Variants in SCN9A observed in about 807,000 individuals in gnomAD.
The protein encoded by SCN9A is sodium voltage-gated channel alpha subunit 9, also known as sodium channel protein type 9 subunit alpha.
Under a neutral mutation model 187.0 loss-of-function variants are expected in SCN9A, and 131 were observed. The ratio of observed to expected loss-of-function variants is 0.70; its 90% confidence interval spans 0.61 to 0.81. The LOEUF is 0.81. SCN9A is among the 30% of genes least tolerant of loss of function. SCN9A has a pLI of 0.00. For missense variants in SCN9A, 2,252 were observed against 2,396.6 expected (o/e 0.94, Z 1.26); for synonymous variants, 809 against 808.6 (o/e 1.00, Z -0.01).
chr2:166,243,233 C>G (rs568020295), intron 18 of SCN9A, among the ~76,000 whole-genome samples: 190 of 152,138 alleles, frequency 1.2e-3, no homozygotes, highest in African/African-American at 4.4e-3. Context: ...ACAAAATATA[C>G]TGCTACAAAA....
intron 17 of SCN9A, among the ~76,000 whole-genome samples, chr2:166,255,270 A>T (rs1201284550): frequency 6.6e-6 from 1 of 151,548 alleles, no homozygotes; most frequent in Non-Finnish European, 1.5e-5. Context: ...AATATGTCCA[A>T]ATTAAAAGCT....
At chr2:166,242,049 T>C (rs1695587452) in intron 19 of SCN9A, among the ~76,000 whole-genome samples, 2 of 152,160 alleles carry the variant, frequency 1.3e-5, no homozygotes, top group South Asian at 4.1e-4. Flanking sequence ...CTAGGACTAA[T>C]TGTGCCAACG....
chr2:166,314,534 C>T (rs1020336903), intron 1 of SCN9A, among the ~76,000 whole-genome samples: 10 of 152,128 alleles, frequency 6.6e-5, no homozygotes, highest in African/African-American at 2.4e-4. Context: ...ATTATTCATA[C>T]TAGCCAAAAA....
intron 13 of SCN9A, among the ~76,000 whole-genome samples, chr2:166,281,160 G>A (rs78385474): frequency 6.6e-6 from 1 of 152,114 alleles, no homozygotes; most frequent in Admixed American, 6.6e-5. Flanking sequence ...ATGGGAATGT[G>A]GGGGGTGAAG....
At chr2:166,368,372 A>G (rs996885375) in intron 1 of SCN9A, among the ~76,000 whole-genome samples, 2 of 152,162 alleles carry the variant, frequency 1.3e-5, no homozygotes, top group Non-Finnish European at 2.9e-5. Flanking sequence ...AGTGGCTTAC[A>G]CCTGTAATCC....
At chr2:166,288,380 T>C (rs1697883371) in intron 10 of SCN9A, 57 bp downstream of exon 10, 1 of 1,392,468 alleles carries the variant, frequency 7.2e-7, no homozygotes, top group Admixed American at 1.8e-5. Context: ...GCAGAGCCTC[T>C]GTTGTAACCG....
At chr2:166,365,460 G>C (rs1022212164) in intron 1 of SCN9A, among the ~76,000 whole-genome samples, 1 of 152,112 alleles carries the variant, frequency 6.6e-6, no homozygotes, top group East Asian at 1.9e-4. Context: ...ACCCATGCTG[G>C]TAATTTTAGC....
intron 19 of SCN9A, among the ~76,000 whole-genome samples, chr2:166,242,267 A>G (rs760304062): frequency 3.9e-5 from 6 of 151,954 alleles, no homozygotes; most frequent in Admixed American, 6.6e-5. Context: ...TCTCTTTTCT[A>G]TTATAGCCAT....
chr2:166,275,936 A>T (rs1013080926), intron 16 of SCN9A, among the ~76,000 whole-genome samples: 2 of 152,116 alleles, frequency 1.3e-5, no homozygotes, highest in Admixed American at 1.3e-4. Context: ...ATATTTTAGT[A>T]ATTTTTTTCA....
chr2:166,314,442 G>C (rs1409186129), intron 1 of SCN9A, among the ~76,000 whole-genome samples: 1 of 152,070 alleles, frequency 6.6e-6, no homozygotes, highest in Admixed American at 6.6e-5. Context: ...GTTATGACTC[G>C]GCAATTCCAC....
At chr2:166,357,469 T>C (rs936105393) in intron 1 of SCN9A, among the ~76,000 whole-genome samples, 4 of 152,144 alleles carry the variant, frequency 2.6e-5, no homozygotes, top group Non-Finnish European at 5.9e-5. Flanking sequence ...GATAGTTGAC[T>C]AAAGGACTTC....
At chr2:166,348,739 C>T (rs1699962479) in intron 1 of SCN9A, among the ~76,000 whole-genome samples, 1 of 152,094 alleles carries the variant, frequency 6.6e-6, no homozygotes, top group Non-Finnish European at 1.5e-5. Context: ...GACTCAAGAT[C>T]CTAGATAGGT....
chr2:166,297,218 A>AAAAAAAAAAAAAAAAAAAAAAAAAC (rs1698351781), intron 7 of SCN9A, among the ~76,000 whole-genome samples: 2 of 138,592 alleles, frequency 1.4e-5, no homozygotes, highest in South Asian at 2.4e-4. Flanking sequence ...AAAAAAAAAA[A>AAAAAAAAAAAAAAAAAAAAAAAAAC]AAAAAAAAAG....
At chr2:166,362,438 G>A (rs1230458668) in intron 1 of SCN9A, among the ~76,000 whole-genome samples, 1 of 151,766 alleles carries the variant, frequency 6.6e-6, no homozygotes, top group African/African-American at 2.4e-5. Context: ...AAAGATAAAG[G>A]GTATGGCTAT....
At chr2:166,370,308 T>C (rs188769302) in intron 1 of SCN9A, among the ~76,000 whole-genome samples, 1,564 of 146,270 alleles carry the variant, frequency 0.011, 10 homozygotes, top group Non-Finnish European at 0.017. Context: ...CTTTGGGAGG[T>C]CGAGGCGGGC....
chr2:166,217,012 A>G (rs1414337330), intron 24 of SCN9A, among the ~76,000 whole-genome samples: 1 of 152,074 alleles, frequency 6.6e-6, no homozygotes, highest in Admixed American at 6.6e-5. Context: ...AAACACAGAT[A>G]TATTGGCTAA....
intron 17 of SCN9A, among the ~76,000 whole-genome samples, chr2:166,271,369 T>C (rs2106458244): frequency 6.6e-6 from 1 of 152,194 alleles, no homozygotes; most frequent in Non-Finnish European, 1.5e-5. Context: ...TAATAGATGA[T>C]AAATACAAGG....
chr2:166,248,628 A>G (rs143007604), intron 18 of SCN9A, among the ~76,000 whole-genome samples: 1 of 124,864 alleles, frequency 8.0e-6, no homozygotes, highest in East Asian at 2.4e-4. Flanking sequence ...CCTCTACTAC[A>G]TCTCTGATCT....
At chr2:166,285,208 T>C (rs1468270826) in intron 11 of SCN9A, among the ~76,000 whole-genome samples, 1 of 152,208 alleles carries the variant, frequency 6.6e-6, no homozygotes, top group East Asian at 1.9e-4. Context: ...ACAAAAAAAT[T>C]GGAAATCATG....
Sources: allele counts gnomAD v4.1 joint callset (sites outside exome capture counted in the v4.1 genomes callset), GRCh38; gene constraint gnomAD v4.1.1; transcripts MANE v1.5; gene names NCBI Gene and HGNC (gene_info 2026-07-23, HGNC 2026-07-21).